The following IFT122 variants were observed in gnomAD, a reference collection of about 807,000 sequenced individuals.
The protein encoded by IFT122 is intraflagellar transport 122.
IFT122 carries 118 observed loss-of-function variants against 161.6 expected under a neutral mutation model. The ratio of observed to expected loss-of-function variants is 0.73; its 90% CI spans 0.63 to 0.85. The LOEUF (loss-of-function observed/expected upper bound fraction) is 0.85. Among genes scored for constraint, IFT122 ranks in the 40% least tolerant of loss-of-function variants. The pLI, the probability that IFT122 is intolerant of heterozygous loss-of-function variation, is 0.00. For synonymous variants in IFT122, 550 were observed against 602.4 expected (o/e 0.91, Z 1.27); for missense variants, 1,381 against 1,579.6 (o/e 0.87, Z 2.13).
At position 129,467,009 on chromosome 3, in the gene IFT122, G is replaced by T. The variant is rs760048530; in HGVS notation, c.683G>T (p.Ser228Ile). Reference protein sequence around the residue: ...LKSAVYSSQGSEAEEEEPEEE... With the variant: ...LKSAVYSSQGIEAEEEEPEEE... Reference sequence around the variant, plus strand: ...TCAGCAGTGTACAGTAGTCAGGGTAGTGAGGCAGAGGAGGAAGAACCAGAG... The same window carrying T: ...TCAGCAGTGTACAGTAGTCAGGGTATTGAGGCAGAGGAGGAAGAACCAGAG... The change falls in exon 8 of 30, where the codon AGT (serine) becomes ATT (isoleucine). Residue 228 changes from serine (S) to isoleucine (I), a missense_variant. Physicochemically the swap from Ser to Ile is moderately radical, Grantham distance 142 (BLOSUM62 -2). Transcript: ENST00000348417. The T allele has an allele frequency of 6.2e-7, 1 of 1,614,116 alleles. No individual in the cohort carries two copies. Among genetic ancestry groups the T allele is most frequent in the Non-Finnish European group, 8.5e-7 (1 of 1,180,048 alleles).
At chr3:129,473,649 A>G (rs1029483058) in intron 9 of IFT122, among the ~76,000 whole-genome samples, 3 of 152,134 alleles carry the variant, frequency 2.0e-5, no homozygotes, top group African/African-American at 4.8e-5. Context: ...GGGTTTCCAG[A>G]TATTCAGTGG....
intron 27 of IFT122, 94 bp downstream of exon 27, chr3:129,517,688 G>C: frequency 6.7e-7 from 1 of 1,495,628 alleles, no homozygotes. Flanking sequence ...AGGGGATCGC[G>C]GGCCATGCTG....
At position 129,469,401 on chromosome 3, in the gene IFT122, A is replaced by C; in HGVS notation, c.800A>C (p.Gln267Pro). The C allele has an allele frequency of 6.2e-7, 1 of 1,613,868 alleles. No individual in the cohort carries two copies. Among genetic ancestry groups the C allele is most frequent in the Non-Finnish European group, 8.5e-7 (1 of 1,179,798 alleles). Residue 267 changes from glutamine to proline, a missense_variant, in exon 9 of 30, where the codon CAG (glutamine) becomes CCG (proline). Physicochemically the swap from Gln to Pro is moderately conservative, Grantham distance 76 (BLOSUM62 -1). Coordinates refer to ENST00000348417, the MANE Select transcript of IFT122 (RefSeq NM_052989.3). Reference protein sequence around the residue: ...ADWGQKVSFYQLSGKQIGKDR... With the variant: ...ADWGQKVSFYPLSGKQIGKDR... ...TGGGGACAGAAAGTTTCCTTCTACC[A>C]GCTGAGTGGAAAACAGGTATGTAGC...
At position 129,489,845 on chromosome 3, in the gene IFT122, A is replaced by T. The variant is rs2079834098; in HGVS notation, c.1992+1448A>T. On this transcript the variant is annotated intron_variant, in intron 16 of 29. Transcript: ENST00000348417. ...TAGAGCAAGACTCTGACTTAAAAAA[A>T]AAAAAAAAAAAGAATTCAGAGGAGG... 4.6e-5 allele frequency among the ~76,000 whole-genome samples: 7 copies of T among 151,476 alleles called. 1 individual carries two copies. The highest frequency in any genetic ancestry group is 4.6e-4 in the Admixed American group (7 of 15,222).
At chr3:129,504,538 A>G in intron 21 of IFT122, 117 bp downstream of exon 21, 1 of 813,018 alleles carries the variant, frequency 1.2e-6, no homozygotes, top group Non-Finnish European at 2.1e-6. Flanking sequence ...AGATGACTTC[A>G]TCCTGGGGAT....
intron 9 of IFT122, among the ~76,000 whole-genome samples, chr3:129,474,128 T>C (rs564982524): frequency 3.4e-4 from 51 of 152,212 alleles, no homozygotes; most frequent in South Asian, 8.3e-4. Flanking sequence ...AAACTTATAA[T>C]TGCAGTTTAA....
At chr3:129,495,750 A>G in intron 18 of IFT122, 143 bp downstream of exon 18, 2 of 1,019,350 alleles carry the variant, frequency 2.0e-6, no homozygotes, top group Non-Finnish European at 3.0e-6. Context: ...ACTGGTAAAC[A>G]AAGGACCCAT....
At position 129,519,680 on chromosome 3, in the gene IFT122, TC is replaced by T. The variant is rs1560036538; in HGVS notation, c.3586del (p.Arg1196AlafsTer66). ...CCCCCACCCCTGAGGTGGCAATACTTCCGCTCACTGCTGCCTGACGCCTCCA... is the reference window on the plus strand; with the variant it reads ...CCCCCACCCCTGAGGTGGCAATACTTCGCTCACTGCTGCCTGACGCCTCCA... ...RWPPPLRWQYFRSLLPDASIT... is the reference protein window; with the variant it reads ...RWPPPLRWQYXRSLLPDASIT... On this transcript the variant is annotated frameshift_variant, in exon 29 of 30. Coordinates refer to ENST00000348417, the MANE Select transcript of IFT122 (RefSeq NM_052989.3). LOFTEE classifies it high-confidence loss of function. 1.2e-6 allele frequency: 2 copies of T among 1,613,784 alleles called. No homozygotes were observed. The highest frequency in any genetic ancestry group is 1.7e-6 in the Non-Finnish European group (2 of 1,180,026).
intron 19 of IFT122, among the ~76,000 whole-genome samples, chr3:129,501,290 G>A (rs964933378): frequency 1.3e-5 from 2 of 152,172 alleles, no homozygotes; most frequent in Admixed American, 6.5e-5. Flanking sequence ...CCTAAAGGCT[G>A]TTGATTCTTC....
chr3:129,465,864 G>A lies in IFT122; in HGVS notation c.564-1026G>A, dbSNP rs537786234. On this transcript the variant is annotated intron_variant, in intron 7 of 29. Coordinates refer to ENST00000348417, the MANE Select transcript of IFT122 (RefSeq NM_052989.3). The stretch of plus-strand genomic sequence containing the variant: ...TCACCTTGTTAGCCAGGATGGTCTC[G>A]ATCTCCTGACCTCATGATCCACCCG... Among the ~76,000 whole-genome samples the A allele has an allele frequency of 4.2e-5, 4 of 95,564 alleles. 1 individual carries two copies. Among genetic ancestry groups the A allele is most frequent in the African/African-American group, 1.6e-4 (2 of 12,640 alleles). 62.7% of individuals were successfully genotyped at this position (95,564 alleles called of 152,430 possible).
chr3:129,501,055 A>G (rs1011960768), intron 19 of IFT122, among the ~76,000 whole-genome samples: 3 of 151,950 alleles, frequency 2.0e-5, no homozygotes, highest in Non-Finnish European at 1.5e-5. Flanking sequence ...GGGTTACACC[A>G]TTCGTCAAGG....
intron 1 of IFT122, among the ~76,000 whole-genome samples, chr3:129,443,303 A>T (rs1396404465): frequency 6.6e-6 from 1 of 152,254 alleles, no homozygotes; most frequent in Non-Finnish European, 1.5e-5. Flanking sequence ...CAGGGTTGTC[A>T]GAGGACAATT....
chr3:129,496,912 C>G (rs1023919482), intron 18 of IFT122, among the ~76,000 whole-genome samples: 2 of 152,176 alleles, frequency 1.3e-5, no homozygotes, highest in Non-Finnish European at 2.9e-5. Context: ...CTTAAGGGAT[C>G]AAGACCCTAG....
chr3:129,463,610 A>C lies in IFT122; in HGVS notation c.400A>C (p.Lys134Gln). 1 of 1,613,780 alleles carries C rather than the reference A, an allele frequency of 6.2e-7. No individual in the cohort carries two copies. Among genetic ancestry groups the C allele is most frequent in the Non-Finnish European group, 8.5e-7 (1 of 1,179,734 alleles). The change falls in exon 6 of 30, where the codon AAG becomes CAG. Residue 134 changes from lysine to glutamine, a missense_variant. This residue lies in a region of IFT122 where 544 missense variants were observed against 648.0 expected (regional missense o/e 0.84). Coordinates refer to ENST00000348417, the MANE Select transcript of IFT122 (RefSeq NM_052989.3). ...KSVSKHKSSS[K>Q]IICCSWTNDG... ...TGTCTCCAAACACAAATCAAGCAGC[A>C]AGATCATCTGCTGCAGGTAAGTGCA...
chr3:129,463,874 T>G (rs2076438235), intron 6 of IFT122, among the ~76,000 whole-genome samples: 1 of 152,244 alleles, frequency 6.6e-6, no homozygotes, highest in African/African-American at 2.4e-5. Flanking sequence ...CCAGCTATAC[T>G]GAGTGGAGGC....
chr3:129,495,328 C>T (rs1323082865), intron 17 of IFT122, 118 bp from the exon 18 acceptor site: 4 of 1,409,654 alleles, frequency 2.8e-6, no homozygotes, highest in Admixed American at 2.1e-5. Flanking sequence ...GGAGCCAAGC[C>T]CAGGTTCCAG....
Position 129,483,530 on chromosome 3 carries a change from A to G in IFT122, c.1699A>G (p.Met567Val), listed in dbSNP as rs1577695155. The G allele has an allele frequency of 6.2e-7, 1 of 1,613,956 alleles. No individual in the cohort carries two copies. The highest frequency in any genetic ancestry group is 8.5e-7 in the Non-Finnish European group (1 of 1,179,954). ...SVAWNTQCED[M>V]LCFSGGGYLN... is the part of the protein sequence containing the mutation. Reference sequence around the variant, plus strand: ...AGCTTGGAACACCCAGTGTGAGGACATGCTCTGCTTCTCGGGAGGAGGCTA... The same window carrying G: ...AGCTTGGAACACCCAGTGTGAGGACGTGCTCTGCTTCTCGGGAGGAGGCTA... The change falls in exon 15 of 30, where the codon ATG becomes GTG. Residue 567 changes from methionine to valine, a missense_variant. Met to Val is a conservative substitution (Grantham distance 21). Around this residue, in one of 7 missense-constraint regions of IFT122, gnomAD observed 544 missense variants for 648.0 expected, o/e 0.84. Coordinates refer to ENST00000348417, the MANE Select transcript of IFT122 (RefSeq NM_052989.3).
At chr3:129,489,662 AC>A (rs1445073157) in intron 16 of IFT122, among the ~76,000 whole-genome samples, 2 of 151,694 alleles carry the variant, frequency 1.3e-5, no homozygotes, top group Non-Finnish European at 2.9e-5. Context: ...ACACGGTGAA[AC>A]CCCGTCTCTA....
intron 1 of IFT122, among the ~76,000 whole-genome samples, chr3:129,447,954 A>G (rs2074236844): frequency 6.6e-6 from 1 of 151,654 alleles, no homozygotes; most frequent in African/African-American, 2.4e-5. Context: ...GAGGAAGTCC[A>G]TTCAGACGGT....
Sources: allele counts gnomAD v4.1 joint callset (sites outside exome capture counted in the v4.1 genomes callset), GRCh38; gene constraint gnomAD v4.1.1; regional missense constraint gnomAD v4.1.1; transcripts MANE v1.5; gene names NCBI Gene and HGNC (gene_info 2026-07-23, HGNC 2026-07-21).